Variants in NRDE2 observed in about 807,000 individuals in gnomAD.
NRDE2 encodes nuclear exosome regulator NRDE2.
Under a neutral mutation model 124.2 loss-of-function variants are expected in NRDE2, and 76 were observed. The ratio of observed to expected loss-of-function variants is 0.61; its 90% confidence interval spans 0.51 to 0.74. The LOEUF (loss-of-function observed/expected upper bound fraction) is 0.74. Ranked by LOEUF, NRDE2 falls within the 30% of genes least tolerant of loss-of-function variation. The pLI is 0.00. For missense variants in NRDE2, 1,314 were observed against 1,417.3 expected, an observed-to-expected ratio of 0.93 and a Z score of 1.17; for synonymous variants, 489 against 528.1, an observed-to-expected ratio of 0.93 and a Z score of 1.01.
Position 90,288,364 on chromosome 14 carries a change from T to C in NRDE2, c.3011A>G (p.Tyr1004Cys), listed in dbSNP as rs1359551136. The change falls in exon 11 of 14, where the codon TAT (tyrosine) becomes TGT (cysteine). Residue 1004 changes from tyrosine to cysteine, a missense_variant. Transcript: ENST00000354366. The stretch of plus-strand genomic sequence containing the variant: ...GTGGGACTTATTCTGAATCTGTACA[T>C]AGGACCTCCAAAGAACCTGGTTGCC... Reference protein sequence around the residue: ...YPGNQVLWRSYVQIQNKSHSA... With the variant: ...YPGNQVLWRSCVQIQNKSHSA... 1.2e-6 allele frequency: 2 copies of C among 1,614,182 alleles called. No homozygotes were observed. Among genetic ancestry groups the C allele is most frequent in the South Asian group, 2.2e-5 (2 of 91,078 alleles).
rs749271263 is a variant in NRDE2, at chr14:90,288,956, G to C, written c.2419C>G (p.Leu807Val). 36 of 1,612,282 alleles carry C rather than the reference G, an allele frequency of 2.2e-5. No individual in the cohort carries two copies. The highest frequency in any genetic ancestry group is 3.1e-5 in the Non-Finnish European group (36 of 1,178,418). The stretch of plus-strand genomic sequence containing the variant: ...AGTTCTCTGCTTCCTGCCATGCCAA[G>C]TGCTGTGTCAAAAACTTTTCTGGCA... ...EDARKVFDTA[L>V]GMAGSRELKD... The change falls in exon 11 of 14, where the codon CTT becomes GTT. Residue 807 changes from leucine to valine, a missense_variant. Physicochemically the swap from Leu to Val is conservative, Grantham distance 32. Coordinates refer to ENST00000354366, the MANE Select transcript of NRDE2 (RefSeq NM_017970.4).
intron 3 of NRDE2, 121 bp downstream of exon 3, chr14:90,316,457 G>A: frequency 1.4e-6 from 1 of 693,704 alleles, no homozygotes; most frequent in Non-Finnish European, 2.5e-6. Context: ...CTGATATAAT[G>A]GTAGAGCTCT....
chr14:90,272,268 T>C lies in NRDE2; in HGVS notation c.*6068A>G, dbSNP rs763411832. 1.2e-6 allele frequency: 2 copies of C among 1,602,006 alleles called. No homozygotes were observed. The highest frequency in any genetic ancestry group is 2.2e-5 in the East Asian group (1 of 44,792). On this transcript the variant is annotated 3_prime_UTR_variant, in exon 14 of 14. Transcript: ENST00000354366. The surrounding 1 kb of genome is among the most constrained non-coding windows in gnomAD (Gnocchi z 4.5). ...ACTTTCTGAACACACTCTTCTTTCT[T>C]ACAGGCAATCTGTACAGAAGCTGGT... is the stretch of plus-strand genomic sequence containing the variant.
Position 90,292,738 on chromosome 14 carries a change from T to C in NRDE2, c.1801A>G (p.Lys601Glu), listed in dbSNP as rs1265010610. 6.2e-7 allele frequency: 1 copy of C among 1,614,178 alleles called. No individual in the cohort carries two copies. The highest frequency in any genetic ancestry group is 1.7e-5 in the Admixed American group (1 of 60,024). The change falls in exon 9 of 14, where the codon AAG becomes GAG. Residue 601 changes from lysine (K) to glutamate (E), a missense_variant. Transcript: ENST00000354366. The stretch of plus-strand genomic sequence containing the variant: ...TCACAGTCTTCCTCGGTTTGCTTCT[T>C]GGTCTTATCAGGGCGCCAGGGCCGC... ...HWRPWRPDKT[K>E]KQTEEDCEDP...
At chr14:90,323,448 AGTTT>A (rs564780853) in intron 1 of NRDE2, among the ~76,000 whole-genome samples, 4 of 152,344 alleles carry the variant, frequency 2.6e-5, no homozygotes, top group African/African-American at 9.6e-5. Context: ...ACTGATTACT[AGTTT>A]GTTTAAGTGA....
rs768869559 is a variant in NRDE2 at position 90,304,290 on chromosome 14, C to G, written c.650G>C (p.Arg217Pro). The change falls in exon 5 of 14, where the codon CGC becomes CCC. Residue 217 changes from arginine to proline, a missense_variant. By Grantham distance (103) the Arg-to-Pro change is moderately radical. Transcript: ENST00000354366. ...EGTSTEKKHS[R>P]KQVERYFTKK... ...AGTAAAATAGCGTTCAACCTGCTTG[C>G]GTGAATGCTTCTTCTCTGTGGAAGT... The G allele has an allele frequency of 6.2e-7, 1 of 1,613,984 alleles. No individual in the cohort carries two copies.
chr14:90,290,160 T>C, intron 10 of NRDE2, 61 bp downstream of exon 10: 1 of 1,559,730 alleles, frequency 6.4e-7, no homozygotes, highest in Non-Finnish European at 8.7e-7. Flanking sequence ...TACAATCCCG[T>C]TTATAAACAC....
rs912326284 is a variant in NRDE2, at chr14:90,318,618, G to A, written c.65-505C>T. ...AGTTTGACACCAGCCTGGCCAACAC[G>A]GTGAAAAACCATCTCTACTAAAAAT... On this transcript the variant is annotated intron_variant, in intron 1 of 13. Transcript: ENST00000354366. 3.3e-5 allele frequency among the ~76,000 whole-genome samples: 5 copies of A among 151,996 alleles called. No homozygotes were observed. The South Asian group carries it at 6.2e-4, about 19-fold the overall frequency.
chr14:90,278,713 G>A (rs975231314), intron 13 of NRDE2: 11 of 538,562 alleles, frequency 2.0e-5, no homozygotes, highest in East Asian at 6.2e-5. Context: ...ATTGCTGGCC[G>A]TCGCCCTCAG....
intron 3 of NRDE2, among the ~76,000 whole-genome samples, chr14:90,315,037 C>T (rs1884988588): frequency 6.6e-6 from 1 of 151,672 alleles, no homozygotes; most frequent in Non-Finnish European, 1.5e-5. Context: ...ATTAGCCGGG[C>T]GTGGTGGCAC....
At position 90,312,379 on chromosome 14, in the gene NRDE2, A is replaced by G. The variant is rs1472567945; in HGVS notation, c.557+15T>C. ...CTTTCCTACAGTGAAAACTGGGGGA[A>G]AACAAGGTGACTACCTTGCTATATC... is the stretch of plus-strand genomic sequence containing the variant. On this transcript the variant is annotated intron_variant, in intron 4 of 13. Coordinates refer to ENST00000354366, the MANE Select transcript of NRDE2 (RefSeq NM_017970.4). 6.2e-7 allele frequency: 1 copy of G among 1,612,902 alleles called. No individual in the cohort carries two copies. The highest frequency in any genetic ancestry group is 1.7e-5 in the Admixed American group (1 of 60,002).
intron 12 of NRDE2, 139 bp from the exon 13 acceptor site, chr14:90,279,272 G>T (rs1384610789): frequency 1.2e-5 from 8 of 679,458 alleles, no homozygotes; most frequent in Non-Finnish European, 2.1e-5. Flanking sequence ...CCGTCACGGT[G>T]GCTGTGGGAC....
Position 90,273,512 on chromosome 14 carries a change from C to G in NRDE2, c.*4824G>C, listed in dbSNP as rs372365367. 1 of 152,208 alleles carries G rather than the reference C, an allele frequency of 6.6e-6. No homozygotes were observed. Among genetic ancestry groups the G allele is most frequent in the Non-Finnish European group, 1.5e-5 (1 of 68,084 alleles). 9.4% of individuals were successfully genotyped at this position (152,208 alleles called of 1,614,324 possible). A position where few individuals can be genotyped will look rare whatever the true frequency, so the allele number is the denominator to read the frequency against. On this transcript the variant is annotated 3_prime_UTR_variant, in exon 14 of 14. Coordinates refer to ENST00000354366, the MANE Select transcript of NRDE2 (RefSeq NM_017970.4). ...GGCGGAGGTTGCAGTGAGCCAAGAT[C>G]CCGTCACTGCACTCCAGCCTGGGCG...
rs866872877 is a variant in NRDE2, at chr14:90,292,241, T to A, written c.1842+456A>T. 2.4e-4 allele frequency among the ~76,000 whole-genome samples: 37 copies of A among 152,324 alleles called. 1 individual carries two copies. Among genetic ancestry groups the A allele is most frequent in the African/African-American group, 7.9e-4 (33 of 41,574 alleles). On this transcript the variant is annotated intron_variant, in intron 9 of 13. Transcript: ENST00000354366. Reference sequence around the variant, plus strand: ...CATGGACCCTACGGCCAGTCCCTCTTGTCTTCTAGAGTCCAGTCTATCTGC... The same window carrying A: ...CATGGACCCTACGGCCAGTCCCTCTAGTCTTCTAGAGTCCAGTCTATCTGC...
rs1487403197 is a variant in NRDE2 at position 90,274,787 on chromosome 14, T to TTACACACAC, written c.*3548_*3549insGTGTGTGTA. The TTACACACAC allele has an allele frequency of 9.0e-6, 1 of 110,908 alleles. No individual in the cohort carries two copies. Among genetic ancestry groups the TTACACACAC allele is most frequent in the African/African-American group, 3.2e-5 (1 of 31,734 alleles). The allele number at this position is 110,908 out of a possible 1,614,324, so 6.9% of individuals were successfully genotyped here. A position where few individuals can be genotyped will look rare whatever the true frequency, so the allele number is the denominator to read the frequency against. ...CAGTATAGCCCTTTAAATAGGGAAC[T>TTACACACAC]ACACACACACACACACACACACACA... On this transcript the variant is annotated 3_prime_UTR_variant, in exon 14 of 14. Transcript: ENST00000354366.
Position 90,288,307 on chromosome 14 carries a change from G to A in NRDE2, c.3068C>T (p.Thr1023Ile), listed in dbSNP as rs769537017. ...SASKTRRFFD[T>I]ITRSAKPLEP... ...CAAGGGTTTGGCAGACCTGGTGATT[G>A]TGTCAAAAAATCTCCTGGTTTTGCT... The change falls in exon 11 of 14, where the codon ACA becomes ATA. Residue 1023 changes from threonine (T) to isoleucine (I), a missense_variant. By Grantham distance (89) the Thr-to-Ile change is moderately conservative. Transcript: ENST00000354366. 1.9e-6 allele frequency: 3 copies of A among 1,614,180 alleles called. No individual in the cohort carries two copies. The East Asian group carries it at 6.7e-5, about 36-fold the overall frequency.
rs147896496 is a variant in NRDE2 at position 90,328,480 on chromosome 14, A to G, written c.64+3361T>C. Reference sequence around the variant, plus strand: ...CCTCAATGAAATAATAATGAACCTAAACAATAATCATAAATGGCTGCAAAA... The same window carrying G: ...CCTCAATGAAATAATAATGAACCTAGACAATAATCATAAATGGCTGCAAAA... On this transcript the variant is annotated intron_variant, in intron 1 of 13. Coordinates refer to ENST00000354366, the MANE Select transcript of NRDE2 (RefSeq NM_017970.4). Among the ~76,000 whole-genome samples the G allele has an allele frequency of 1.9e-3, 293 of 152,302 alleles. 2 individuals carry two copies. The highest frequency in any genetic ancestry group is 6.7e-3 in the African/African-American group (279 of 41,554).
chr14:90,297,621 ACTGT>A (rs1266097625), intron 8 of NRDE2, among the ~76,000 whole-genome samples: 1 of 152,106 alleles, frequency 6.6e-6, no homozygotes, highest in Non-Finnish European at 1.5e-5. Flanking sequence ...TAACAAAAAG[ACTGT>A]CTGAAATACA....
chr14:90,287,033 CAAA>C (rs60863011), intron 11 of NRDE2, among the ~76,000 whole-genome samples: 150 of 23,754 alleles, frequency 6.3e-3, no homozygotes, highest in African/African-American at 0.017. Flanking sequence ...GACTCCGTCT[CAAA>C]AAAAAAAAAA....
Sources: allele counts gnomAD v4.1 joint callset (sites outside exome capture counted in the v4.1 genomes callset), GRCh38; gene constraint gnomAD v4.1.1; non-coding constraint Gnocchi (gnomAD v3.1); transcripts MANE v1.5; gene names NCBI Gene and HGNC (gene_info 2026-07-23, HGNC 2026-07-21).